Variants in MYH11 observed in about 807,000 individuals in gnomAD.
MYH11 encodes myosin heavy chain 11, also known as myosin-11.
In MYH11, 80 loss-of-function variants were observed where a neutral mutation model predicts 246.6. That is an observed-to-expected ratio of 0.32 (90% CI 0.27 to 0.39). MYH11 has a LOEUF of 0.39. Ranked by LOEUF, MYH11 falls within the 10% of genes least tolerant of loss-of-function variation. The pLI, the probability that MYH11 is intolerant of heterozygous loss-of-function variation, is 1.00. For synonymous variants in MYH11, 1,071 were observed against 1,015.5 expected, an observed-to-expected ratio of 1.05 and a Z score of -1.04; for missense variants, 2,158 against 2,546.8, an observed-to-expected ratio of 0.85 and a Z score of 3.29.
In MYH11 at chr16:15,796,167, G is replaced by A. The variant is rs149648786; in HGVS notation, c.530+2493C>T. Among the ~76,000 whole-genome samples, 498 of 152,240 alleles carry A rather than the reference G, an allele frequency of 3.3e-3. 2 individuals carry two copies. Among genetic ancestry groups the A allele is most frequent in the African/African-American group, 0.012 (479 of 41,540 alleles). On this transcript the variant is annotated intron_variant, in intron 4 of 40. Coordinates refer to ENST00000300036, the MANE Select transcript of MYH11 (RefSeq NM_002474.3). ...AATATTTCAGCATCATACCGTCCAA[G>A]GCAGGAACCGCTATCTAAATTAACT...
At position 15,703,694 on chromosome 16, in the gene MYH11, T is replaced by C. The variant is rs1454640912; in HGVS notation, c.*297A>G. The C allele has an allele frequency of 3.3e-5, 15 of 459,364 alleles. No individual in the cohort carries two copies. The Admixed American group carries it at 4.1e-4, about 12-fold the overall frequency. The allele number at this position is 459,364 out of a possible 1,614,324, so 28.5% of individuals were successfully genotyped here. ...GCCTCGAAGTCCTGGGCTGGAGCGT[T>C]CTTCCTGGCTCAGCCTCCCTAGTAG... On this transcript the variant is annotated 3_prime_UTR_variant, in exon 41 of 41. Transcript: ENST00000300036.
chr16:15,731,427 C>A (rs781331535), intron 27 of MYH11, among the ~76,000 whole-genome samples: 3 of 152,018 alleles, frequency 2.0e-5, no homozygotes, highest in African/African-American at 7.2e-5. Flanking sequence ...TAATAGTACA[C>A]GTCTCACAGG....
chr16:15,719,303 G>C lies in MYH11; in HGVS notation c.5088C>G (p.Leu1696=). 6.2e-7 allele frequency: 1 copy of C among 1,610,948 alleles called. No homozygotes were observed. The highest frequency in any genetic ancestry group is 8.5e-7 in the Non-Finnish European group (1 of 1,179,972). The change falls in exon 36 of 41, where the codon CTC becomes CTG. Residue 1696 remains leucine, a synonymous_variant. Transcript: ENST00000300036. ...GTTTGCGAGCCCTCTCAGCGGCGGC[G>C]AGGTCCTAGGTGGGAGGGAGGAAGG... ...EADLMQLQED[L]AAAERARKQA... is the part of the protein sequence containing the mutation.
Position 15,829,090 on chromosome 16 carries a change from A to C in MYH11, c.346-5679T>G, listed in dbSNP as rs1272740955. Among the ~76,000 whole-genome samples, 4 of 152,064 alleles carry C rather than the reference A, an allele frequency of 2.6e-5. No individual in the cohort carries two copies. The East Asian group carries it at 7.7e-4, about 29-fold the overall frequency. ...TCCCAGCTACTCAGGAGTCTGAGGC[A>C]GGAGAGTCACCTGAACCAAGGAGGC... On this transcript the variant is annotated intron_variant, in intron 2 of 40. Coordinates refer to ENST00000300036, the MANE Select transcript of MYH11 (RefSeq NM_002474.3).
intron 40 of MYH11, chr16:15,708,982 A>G (rs1409929721): frequency 2.1e-6 from 2 of 937,056 alleles, no homozygotes; most frequent in Non-Finnish European, 3.3e-6. Context: ...AGTCTCTGTC[A>G]CCCAGGCTGG....
intron 9 of MYH11, among the ~76,000 whole-genome samples, chr16:15,771,316 C>A (rs2042094391): frequency 2.0e-5 from 3 of 152,040 alleles, no homozygotes; most frequent in Admixed American, 6.6e-5. Flanking sequence ...AACTTCTCAA[C>A]ATTCTGAGTT....
intron 2 of MYH11, 31 bp from the exon 3 acceptor site, chr16:15,823,442 ACCT>A: frequency 6.2e-7 from 1 of 1,613,878 alleles, no homozygotes; most frequent in Non-Finnish European, 8.5e-7. Flanking sequence ...TTACTTCCAG[ACCT>A]CCTCCAGGGT....
chr16:15,812,127 C>T (rs1030786487), intron 3 of MYH11, among the ~76,000 whole-genome samples: 1 of 152,122 alleles, frequency 6.6e-6, no homozygotes, highest in African/African-American at 2.4e-5. Context: ...GAGGGGGATC[C>T]CTGTGGTTGC....
chr16:15,719,663 T>G lies in MYH11; in HGVS notation c.5004A>C (p.Arg1668Ser). 1.9e-6 allele frequency: 3 copies of G among 1,614,212 alleles called. No homozygotes were observed. The highest frequency in any genetic ancestry group is 2.5e-6 in the Non-Finnish European group (3 of 1,180,036). Reference protein sequence around the residue: ...QRELEDARASRDEIFATAKEN... With the variant: ...QRELEDARASSDEIFATAKEN... ...CTTTGGCTGTGGCAAAGATCTCATC[T>G]CTGGAGGCACGGGCATCTTCCAGCT... Residue 1668 changes from arginine to serine, a missense_variant, in exon 35 of 41, where the codon AGA becomes AGC. Transcript: ENST00000300036.
intron 25 of MYH11, 113 bp downstream of exon 25, chr16:15,737,336 A>G (rs1452228056): frequency 7.0e-7 from 1 of 1,434,408 alleles, no homozygotes; most frequent in Non-Finnish European, 9.6e-7. Context: ...AACGAAGTTC[A>G]TGCCAAGGGC....
chr16:15,757,865 G>T lies in MYH11; in HGVS notation c.1537C>A (p.Leu513Met). The T allele has an allele frequency of 6.2e-7, 1 of 1,614,208 alleles. No homozygotes were observed. The highest frequency in any genetic ancestry group is 1.3e-5 in the African/African-American group (1 of 75,062). Residue 513 changes from leucine (L) to methionine (M), a missense_variant, in exon 13 of 41, where the codon CTG (leucine) becomes ATG (methionine). By Grantham distance (15) the Leu-to-Met change is conservative. Around this residue, in one of 11 missense-constraint regions of MYH11, gnomAD observed 317 missense variants for 507.7 expected, o/e 0.62. Transcript: ENST00000300036. ...GIEWNFIDFG[L>M]DLQPCIELIE... is the part of the protein sequence containing the mutation. ...AGCTCGATGCAGGGCTGTAGGTCCA[G>T]CCCAAAGTCGATGAAGTTCCACTCG...
At position 15,760,670 on chromosome 16, in the gene MYH11, A is replaced by G. The variant is rs2041847997; in HGVS notation, c.1130-12T>C. On this transcript the variant is annotated splice_polypyrimidine_tract_variant and intron_variant, in intron 10 of 40. Transcript: ENST00000300036. Reference sequence around the variant, plus strand: ...AACTTTCTGAGCAGCTGGATGGAGAAAAGAAACATCGTGAGTGCATCACAA... The same window carrying G: ...AACTTTCTGAGCAGCTGGATGGAGAGAAGAAACATCGTGAGTGCATCACAA... 1 of 1,546,334 alleles carries G rather than the reference A, an allele frequency of 6.5e-7. No individual in the cohort carries two copies. Among genetic ancestry groups the G allele is most frequent in the South Asian group, 1.1e-5 (1 of 89,660 alleles).
intron 5 of MYH11, 110 bp downstream of exon 5, chr16:15,786,520 T>C: frequency 9.5e-7 from 1 of 1,055,710 alleles, no homozygotes. Flanking sequence ...GGAGGGGTAG[T>C]CAGATGGGGC....
chr16:15,856,149 T>C (rs13334610), intron 1 of MYH11, among the ~76,000 whole-genome samples: 28,988 of 151,344 alleles, frequency 0.19, 3,376 homozygotes, highest in East Asian at 0.43. Flanking sequence ...CTGCAGATCG[T>C]GGAAGCAAAT....
At chr16:15,835,844 C>T (rs1282714303) in intron 2 of MYH11, among the ~76,000 whole-genome samples, 2 of 151,054 alleles carry the variant, frequency 1.3e-5, no homozygotes, top group African/African-American at 2.4e-5. Context: ...GCCTTGAACT[C>T]CTGGGCTCAA....
intron 3 of MYH11, among the ~76,000 whole-genome samples, chr16:15,802,658 AGGCT>A (rs890026943): frequency 1.3e-5 from 2 of 152,180 alleles, no homozygotes; most frequent in African/African-American, 4.8e-5. Flanking sequence ...TATGTTGCCC[AGGCT>A]GGTTTCACAC....
At chr16:15,748,240 A>T in intron 16 of MYH11, 72 bp from the exon 17 acceptor site, 1 of 1,599,600 alleles carries the variant, frequency 6.3e-7, no homozygotes, top group Non-Finnish European at 8.5e-7. Flanking sequence ...CAAACCTCCT[A>T]CCTGGATGAC....
chr16:15,856,570 G>A (rs1288993877), intron 1 of MYH11, among the ~76,000 whole-genome samples: 3 of 152,010 alleles, frequency 2.0e-5, no homozygotes, highest in African/African-American at 4.8e-5. Context: ...ATTTCCAAGG[G>A]AGCATATCTC....
In MYH11 at chr16:15,753,430, A is replaced by C. The variant is rs2151268922; in HGVS notation, c.1828T>G (p.Ser610Ala). The change falls in exon 15 of 41, where the codon TCC becomes GCC. Residue 610 changes from serine (S) to alanine (A), a missense_variant. Ser to Ala is a moderately conservative substitution (Grantham distance 99). Around this residue, in one of 11 missense-constraint regions of MYH11, gnomAD observed 317 missense variants for 507.7 expected, o/e 0.62. Coordinates refer to ENST00000300036, the MANE Select transcript of MYH11 (RefSeq NM_002474.3). ...AGGTCGGCCACAAACTTGTCGGAGG[A>C]GGCATTGAGCAGGGAAGTCACGTTG... ...NDNVTSLLNA[S>A]SDKFVADLWK... 3 of 1,614,084 alleles carry C rather than the reference A, an allele frequency of 1.9e-6. No homozygotes were observed. Among genetic ancestry groups the C allele is most frequent in the Non-Finnish European group, 1.7e-6 (2 of 1,180,034 alleles).
Sources: allele counts gnomAD v4.1 joint callset (sites outside exome capture counted in the v4.1 genomes callset), GRCh38; gene constraint gnomAD v4.1.1; regional missense constraint gnomAD v4.1.1; transcripts MANE v1.5; gene names NCBI Gene and HGNC (gene_info 2026-07-23, HGNC 2026-07-21).